GRIA3: variants seen among roughly 807,000 people sequenced by gnomAD.
GRIA3 encodes glutamate receptor 3.
Under a neutral mutation model 63.0 loss-of-function variants are expected in GRIA3, and 3 were observed. That is an observed-to-expected ratio of 0.05 (90% CI 0.02 to 0.12). The LOEUF (loss-of-function observed/expected upper bound fraction) is 0.12, where lower values mean the gene tolerates loss of function less well. GRIA3 is among the 10% of genes least tolerant of loss of function. The probability of loss-of-function intolerance (pLI) is 1.00; values close to 1 mark genes in which losing one functional copy is unlikely to be tolerated. For synonymous variants in GRIA3, 274 were observed against 257.9 expected, an observed-to-expected ratio of 1.06 and a Z score of -0.60; for missense variants, 347 against 700.9, an observed-to-expected ratio of 0.50 and a Z score of 5.70.
chrX:123,340,819 C>A (rs745679190), intron 4 of GRIA3, among the ~76,000 whole-genome samples: 1 of 111,781 alleles, frequency 8.9e-6, no homozygotes, highest in Non-Finnish European at 1.9e-5. Flanking sequence ...TGACTATTCA[C>A]CCTATGATGA....
chrX:123,255,693 TCTAA>T (rs774814952), intron 3 of GRIA3, among the ~76,000 whole-genome samples: 1 of 108,154 alleles, frequency 9.2e-6, no homozygotes, highest in Non-Finnish European at 1.9e-5. Context: ...TCTCTAATCA[TCTAA>T]CTAAATAGTT....
At chrX:123,454,499 C>A (rs965699290) in intron 12 of GRIA3, among the ~76,000 whole-genome samples, 2 of 111,215 alleles carry the variant, frequency 1.8e-5, no homozygotes, top group African/African-American at 6.6e-5. Flanking sequence ...GTCCATATAG[C>A]AGAGTTTCTC....
chrX:123,319,518 A>G (rs1351664023), intron 3 of GRIA3, among the ~76,000 whole-genome samples: 1 of 111,993 alleles, frequency 8.9e-6, no homozygotes, highest in Non-Finnish European at 1.9e-5. Flanking sequence ...TGTTTTTCCA[A>G]ATGTCCAAAC....
At chrX:123,412,703 G>A (rs2045513638) in intron 10 of GRIA3, among the ~76,000 whole-genome samples, 1 of 111,462 alleles carries the variant, frequency 9.0e-6, no homozygotes, top group Non-Finnish European at 1.9e-5. Context: ...TCTTCCACCT[G>A]CCTTCTTCCA....
chrX:123,313,108 C>T (rs1284101379), intron 3 of GRIA3, among the ~76,000 whole-genome samples: 1 of 111,389 alleles, frequency 9.0e-6, no homozygotes, highest in Non-Finnish European at 1.9e-5. Context: ...CTCCATAATG[C>T]CAAATTCACT....
chrX:123,301,248 G>A (rs934951040), intron 3 of GRIA3, among the ~76,000 whole-genome samples: 1 of 111,267 alleles, frequency 9.0e-6, no homozygotes, highest in East Asian at 2.8e-4. Context: ...TCAACAATCT[G>A]TCTAATCCTG....
intron 4 of GRIA3, among the ~76,000 whole-genome samples, chrX:123,353,020 T>TACACACACAC (rs556926418): frequency 1.7e-4 from 15 of 87,782 alleles, no homozygotes; most frequent in African/African-American, 5.9e-4. Flanking sequence ...CTCTCTCTCA[T>TACACACACAC]ACACACACAC....
intron 4 of GRIA3, among the ~76,000 whole-genome samples, chrX:123,352,678 T>C (rs2045104410): frequency 9.0e-6 from 1 of 111,619 alleles, no homozygotes; most frequent in Non-Finnish European, 1.9e-5. Flanking sequence ...CATTGCCAGA[T>C]GTCTTTAAGA....
chrX:123,201,787 T>C lies in GRIA3; in HGVS notation c.268+15797T>C, dbSNP rs189371608. Among the ~76,000 whole-genome samples the C allele has an allele frequency of 3.6e-5, 4 of 111,905 alleles. No individual in the cohort carries two copies. The East Asian group carries it at 1.1e-3, about 31-fold the overall frequency. On this transcript the variant is annotated intron_variant, in intron 2 of 15. Coordinates refer to ENST00000620443, the MANE Select transcript of GRIA3 (RefSeq NM_007325.5). ...ATTATTTGGGGTTTTATCACAAGGA[T>C]AAGCCACATATAACATAGCTTTATT...
intron 2 of GRIA3, chrX:123,202,776 A>G (rs1052309780): frequency 2.3e-5 from 27 of 1,163,025 alleles, no homozygotes; most frequent in Non-Finnish European, 3.1e-5. Context: ...GGCCTATTGT[A>G]TCTGGGGTAA....
At chrX:123,377,666 A>G (rs187764692) in intron 5 of GRIA3, among the ~76,000 whole-genome samples, 2 of 112,240 alleles carry the variant, frequency 1.8e-5, no homozygotes, top group East Asian at 2.8e-4. Flanking sequence ...AAATAACAAG[A>G]AAGTATGAAC....
intron 4 of GRIA3, among the ~76,000 whole-genome samples, chrX:123,333,975 G>A (rs1461638346): frequency 9.0e-6 from 1 of 111,418 alleles, no homozygotes; most frequent in Non-Finnish European, 1.9e-5. Context: ...CAATCATGGT[G>A]TCCAAATCGT....
chrX:123,253,206 C>A, intron 2 of GRIA3, 97 bp from the exon 3 acceptor site: 1 of 993,751 alleles, frequency 1.0e-6, no homozygotes, highest in African/African-American at 1.9e-5. Flanking sequence ...CTGAGGTATG[C>A]AATTTGGGGC....
At chrX:123,436,427 T>G (rs1321097125) in intron 12 of GRIA3, among the ~76,000 whole-genome samples, 2 of 111,662 alleles carry the variant, frequency 1.8e-5, no homozygotes, top group Non-Finnish European at 3.8e-5. Context: ...ATTACTATTG[T>G]GCTCATCTCC....
intron 4 of GRIA3, among the ~76,000 whole-genome samples, chrX:123,350,778 C>T (rs1161704264): frequency 8.9e-6 from 1 of 112,122 alleles, no homozygotes; most frequent in African/African-American, 3.2e-5. Flanking sequence ...TGTAAGAGCT[C>T]TTTCTTCTAC....
chrX:123,287,370 T>C (rs2044626904), intron 3 of GRIA3, among the ~76,000 whole-genome samples: 2 of 111,877 alleles, frequency 1.8e-5, no homozygotes, highest in South Asian at 3.8e-4. Flanking sequence ...AAGGATGCCA[T>C]CTCTCACCAT....
In GRIA3 at chrX:123,337,227, T is replaced by C. The variant is rs2044980088; in HGVS notation, c.696+11014T>C. Among the ~76,000 whole-genome samples, 2 of 111,805 alleles carry C rather than the reference T, an allele frequency of 1.8e-5. 1 individual carries two copies. Among genetic ancestry groups the C allele is most frequent in the Admixed American group, 1.9e-4 (2 of 10,591 alleles). On this transcript the variant is annotated intron_variant, in intron 4 of 15. Coordinates refer to ENST00000620443, the MANE Select transcript of GRIA3 (RefSeq NM_007325.5). Reference sequence around the variant, plus strand: ...CTATGATCACCATAAAGGTTTAGATTTGTGAATACCACCAAGAGAGTGGCA... The same window carrying C: ...CTATGATCACCATAAAGGTTTAGATCTGTGAATACCACCAAGAGAGTGGCA...
At position 123,377,327 on chromosome X, in the gene GRIA3, C is replaced by T. The variant is rs187663410; in HGVS notation, c.751-17641C>T. Among the ~76,000 whole-genome samples the T allele has an allele frequency of 2.5e-3, 278 of 111,890 alleles. 2 individuals are homozygous for T. The highest frequency in any genetic ancestry group is 8.7e-3 in the African/African-American group (269 of 30,806). On this transcript the variant is annotated intron_variant, in intron 5 of 15. Coordinates refer to ENST00000620443, the MANE Select transcript of GRIA3 (RefSeq NM_007325.5). ...TGAAGCTTTCCAGAGGCCGAAGTCTCTTTTGTAACTTGGAGTTTGTATTTG... is the reference window on the plus strand; with the variant it reads ...TGAAGCTTTCCAGAGGCCGAAGTCTTTTTTGTAACTTGGAGTTTGTATTTG...
At chrX:123,482,729 T>A in intron 14 of GRIA3, 70 bp from the exon 15 acceptor site, 2 of 1,098,478 alleles carry the variant, frequency 1.8e-6, no homozygotes, top group African/African-American at 1.8e-5. Context: ...CCTGTACTGT[T>A]GTAATATATT....
Sources: allele counts gnomAD v4.1 joint callset (sites outside exome capture counted in the v4.1 genomes callset), GRCh38; gene constraint gnomAD v4.1.1; transcripts MANE v1.5; gene names NCBI Gene and HGNC (gene_info 2026-07-23, HGNC 2026-07-21).